Variants in RGMB observed in about 807,000 individuals in gnomAD.
RGMB encodes the protein repulsive guidance molecule B.
A neutral mutation model predicts 26.9 loss-of-function variants in RGMB; 16 were observed. The ratio of observed to expected loss-of-function variants is 0.60; its 90% CI spans 0.40 to 0.90. RGMB has a LOEUF of 0.90. RGMB is among the 40% of genes least tolerant of loss of function. The probability of loss-of-function intolerance (pLI) is 0.00; values close to 1 mark genes in which losing one functional copy is unlikely to be tolerated. For synonymous variants in RGMB, 225 were observed against 229.3 expected (o/e 0.98, Z 0.17); for missense variants, 512 against 573.3 (o/e 0.89, Z 1.09).
At position 98,795,553 on chromosome 5, in the gene RGMB, A is replaced by C. The variant is rs1242853443; in HGVS notation, c.*1800A>C. The C allele has an allele frequency of 2.0e-5, 3 of 152,206 alleles. No individual in the cohort carries two copies. Among genetic ancestry groups the C allele is most frequent in the African/African-American group, 7.2e-5 (3 of 41,458 alleles). The allele number at this position is 152,206 out of a possible 1,614,324, so 9.4% of individuals were successfully genotyped here. On this transcript the variant is annotated 3_prime_UTR_variant, in exon 3 of 3. Transcript: ENST00000513185. Reference sequence around the variant, plus strand: ...AGAGAATAATCTTGGGCAGTCTGGGAAAATAAGGAAGGCATCTCCTTCTTA... The same window carrying C: ...AGAGAATAATCTTGGGCAGTCTGGGCAAATAAGGAAGGCATCTCCTTCTTA...
chr5:98,788,847 T>A (rs1746840713), intron 2 of RGMB, among the ~76,000 whole-genome samples: 1 of 152,202 alleles, frequency 6.6e-6, no homozygotes, highest in Admixed American at 6.5e-5. Context: ...AGAGAGAGCA[T>A]GTATATGTTT....
upstream of RGMB, chr5:98,770,778 T>C (rs1175554488): frequency 2.4e-5 from 16 of 653,234 alleles, no homozygotes; most frequent in Non-Finnish European, 3.5e-5. Context: ...TAACGCTTTT[T>C]AATAAACTTT....
chr5:98,777,311 C>T (rs1251513199), intron 1 of RGMB, among the ~76,000 whole-genome samples: 1 of 152,136 alleles, frequency 6.6e-6, no homozygotes, highest in Non-Finnish European at 1.5e-5. Context: ...GCAAGTTTAG[C>T]GGGAAGTTCT....
rs1747047583 is a variant in RGMB at position 98,794,339 on chromosome 5, T to G, written c.*586T>G. ...CGCTGATCTTAAGAAGCTCTCTTCA[T>G]CTAAGAGCTGTTACTTTTTCAGAAG... On this transcript the variant is annotated 3_prime_UTR_variant, in exon 3 of 3. Coordinates refer to ENST00000513185, the MANE Select transcript of RGMB (RefSeq NM_001366508.1). The G allele has an allele frequency of 6.6e-6, 1 of 152,266 alleles. No individual in the cohort carries two copies. The highest frequency in any genetic ancestry group is 1.5e-5 in the Non-Finnish European group (1 of 68,096). The allele number at this position is 152,266 out of a possible 1,614,324, so 9.4% of individuals were successfully genotyped here.
At chr5:98,789,565 T>C (rs1746863693) in intron 2 of RGMB, among the ~76,000 whole-genome samples, 1 of 152,206 alleles carries the variant, frequency 6.6e-6, no homozygotes, top group South Asian at 2.1e-4. Context: ...TTATTGCCTA[T>C]TTCATGTAGA....
chr5:98,776,677 C>T (rs1746413197), intron 1 of RGMB, among the ~76,000 whole-genome samples: 1 of 152,224 alleles, frequency 6.6e-6, no homozygotes, highest in Non-Finnish European at 1.5e-5. Flanking sequence ...CCTCTTCGCT[C>T]CCATCATCTC....
chr5:98,770,793 C>A, upstream of RGMB: 1 of 584,332 alleles, frequency 1.7e-6, no homozygotes, highest in Non-Finnish European at 2.7e-6. Context: ...AACTTTCACT[C>A]TTGCTCTGAA....
chr5:98,783,583 A>G (rs888258621), intron 2 of RGMB, among the ~76,000 whole-genome samples: 14 of 151,974 alleles, frequency 9.2e-5, no homozygotes, highest in East Asian at 3.9e-4. Flanking sequence ...ATTTTTGCCA[A>G]CCTCTCAGTC....
intron 1 of RGMB, 31 bp downstream of exon 1, chr5:98,774,237 C>T: frequency 1.4e-6 from 2 of 1,384,910 alleles, no homozygotes; most frequent in Non-Finnish European, 1.9e-6. Context: ...GGGAGCCAGC[C>T]CCGGGGCCTA....
At chr5:98,782,396 A>C (rs985189239) in intron 2 of RGMB, among the ~76,000 whole-genome samples, 2 of 152,254 alleles carry the variant, frequency 1.3e-5, no homozygotes, top group Non-Finnish European at 2.9e-5. Context: ...GAGGCATAAA[A>C]GTGCTTATAA....
chr5:98,774,659 G>A (rs1024716229), intron 1 of RGMB, among the ~76,000 whole-genome samples: 8 of 152,246 alleles, frequency 5.3e-5, no homozygotes, highest in African/African-American at 1.7e-4. Context: ...GCGGCGAGGC[G>A]AAGGAAGTAC....
rs531380421 is a variant in RGMB at position 98,774,076 on chromosome 5, C to T, written c.6C>T (p.Gly2=). The part of the protein sequence containing the change: M[G]LRAAPSSAAA... ...CGAGACCTGCATGGACGGGCATGGGCTTGAGAGCAGCACCTTCCAGCGCCG... is the reference window on the plus strand; with the variant it reads ...CGAGACCTGCATGGACGGGCATGGGTTTGAGAGCAGCACCTTCCAGCGCCG... Residue 2 remains glycine, a synonymous_variant, in exon 1 of 3, where the codon GGC becomes GGT. Transcript: ENST00000513185. The T allele has an allele frequency of 1.5e-5, 16 of 1,054,646 alleles. No homozygotes were observed. In the African/African-American group the frequency reaches 2.0e-4, roughly 13 times the overall value. 65.3% of individuals were successfully genotyped at this position (1,054,646 alleles called of 1,614,324 possible). A position where few individuals can be genotyped will look rare whatever the true frequency, so the allele number is the denominator to read the frequency against.
upstream of RGMB, chr5:98,770,550 C>G (rs1419123041): frequency 1.0e-6 from 1 of 968,794 alleles, no homozygotes; most frequent in Non-Finnish European, 1.4e-6. Flanking sequence ...TCTCCCTCCG[C>G]GAGTGCATTG....
At chr5:98,792,361 G>A (rs752756422) in intron 2 of RGMB, among the ~76,000 whole-genome samples, 30 of 152,118 alleles carry the variant, frequency 2.0e-4, no homozygotes, top group Admixed American at 1.4e-3. Flanking sequence ...ACTCAGAAAC[G>A]AGCCTTTTTC....
At chr5:98,781,545 C>G (rs1176610026) in intron 2 of RGMB, among the ~76,000 whole-genome samples, 1 of 152,146 alleles carries the variant, frequency 6.6e-6, no homozygotes, top group African/African-American at 2.4e-5. Flanking sequence ...ACTGCAGAGT[C>G]ATATGGCACA....
At chr5:98,770,379 A>G, upstream of RGMB, 1 of 389,594 alleles carries the variant, frequency 2.6e-6, no homozygotes, top group East Asian at 3.7e-5. Flanking sequence ...TTCCTGAGAT[A>G]AATGGACAGG....
chr5:98,791,075 C>T (rs1158024940), intron 2 of RGMB, among the ~76,000 whole-genome samples: 2 of 152,184 alleles, frequency 1.3e-5, no homozygotes, highest in African/African-American at 4.8e-5. Flanking sequence ...TCAAAACCCC[C>T]ATTCACTCTG....
chr5:98,790,333 C>T (rs1746890259), intron 2 of RGMB, among the ~76,000 whole-genome samples: 1 of 152,162 alleles, frequency 6.6e-6, no homozygotes, highest in Non-Finnish European at 1.5e-5. Context: ...TGAGAATTAC[C>T]TTGCTTGGTT....
chr5:98,779,941 T>G lies in RGMB; in HGVS notation c.498T>G (p.Phe166Leu). 1.2e-6 allele frequency: 2 copies of G among 1,613,196 alleles called. No homozygotes were observed. Among genetic ancestry groups the G allele is most frequent in the Non-Finnish European group, 1.7e-6 (2 of 1,179,540 alleles). Residue 166 changes from phenylalanine to leucine, a missense_variant, in exon 2 of 3, where the codon TTT (phenylalanine) becomes TTG (leucine). By Grantham distance (22) the Phe-to-Leu change is conservative (BLOSUM62 0). Coordinates refer to ENST00000513185, the MANE Select transcript of RGMB (RefSeq NM_001366508.1). ...CCAGTTACCTTTTTTGTGGCTTGTT[T>G]GGAGATCCTCACCTCAGAACTTTCA... ...NPPSYLFCGL[F>L]GDPHLRTFKD... is the part of the protein sequence containing the mutation.
Sources: gnomAD v4.1 joint callset for allele counts (sites outside exome capture counted in the v4.1 genomes callset) on GRCh38, gnomAD v4.1.1 for gene constraint, MANE v1.5 for transcripts, NCBI Gene and HGNC (gene_info 2026-07-23, HGNC 2026-07-21) for gene names.